Variants in TRIOBP observed in about 807,000 individuals in gnomAD.
TRIOBP encodes TRIO and F-actin binding protein.
TRIOBP carries 169 observed loss-of-function variants against 238.8 expected under a neutral mutation model. The ratio of observed to expected loss-of-function variants is 0.71; its 90% confidence interval spans 0.62 to 0.80. The LOEUF is 0.80. TRIOBP is among the 30% of genes least tolerant of loss of function. The pLI is 0.00. For synonymous variants in TRIOBP, 1,150 were observed against 1,274.4 expected (o/e 0.90, Z 2.08); for missense variants, 2,838 against 3,122.6 (o/e 0.91, Z 2.17).
chr22:37,702,624 T>TTC (rs36031958), intron 3 of TRIOBP, among the ~76,000 whole-genome samples: 2,127 of 148,030 alleles, frequency 0.014, 22 homozygotes, highest in Non-Finnish European at 0.023. Flanking sequence ...GAGATTTTCT[T>TTC]TCTCTCTCTC....
chr22:37,747,519 G>A (rs1055808251), intron 11 of TRIOBP, among the ~76,000 whole-genome samples: 4 of 152,194 alleles, frequency 2.6e-5, no homozygotes, highest in Admixed American at 2.6e-4. Context: ...CCCTGTGAGT[G>A]TGATGGCCTG....
At chr22:37,697,562 C>G (rs1194560681) in intron 1 of TRIOBP, 26 bp from the exon 2 acceptor site, 1 of 152,222 alleles carries the variant, frequency 6.6e-6, no homozygotes, top group Non-Finnish European at 1.5e-5. Flanking sequence ...GCCTTGCTGT[C>G]GCCCCCACCG....
In TRIOBP at chr22:37,724,472, C is replaced by G. The variant is rs745947059; in HGVS notation, c.1916C>G (p.Pro639Arg). 209 of 1,611,432 alleles carry G rather than the reference C, an allele frequency of 1.3e-4. No homozygotes were observed. In the African/African-American group the frequency reaches 2.4e-3, roughly 19 times the overall value. ...AQRDNPRASS[P>R]NRTTQQDSPR... ...CGGGACAATCCCAGAGCCTCCTCTC[C>G]CAACAGAACCACCCAACAAGACAGC... is the stretch of plus-strand genomic sequence containing the variant. Residue 639 changes from proline (P) to arginine (R), a missense_variant, in exon 7 of 24, where the codon CCC (proline) becomes CGC (arginine). Physicochemically the swap from Pro to Arg is moderately radical, Grantham distance 103 (BLOSUM62 -2). Around this residue, in one of 5 missense-constraint regions of TRIOBP, gnomAD observed 167 missense variants for 200.2 expected, o/e 0.83. Transcript: ENST00000644935.
At chr22:37,759,007 C>T (rs1245057885) in intron 16 of TRIOBP, 147 bp from the exon 17 acceptor site, 4 of 686,620 alleles carry the variant, frequency 5.8e-6, no homozygotes, top group East Asian at 2.7e-5. Context: ...GGGCTGCTTG[C>T]CCTTCTCAAA....
intron 7 of TRIOBP, among the ~76,000 whole-genome samples, chr22:37,732,660 G>A (rs1051538793): frequency 2.0e-5 from 3 of 152,148 alleles, no homozygotes; most frequent in Non-Finnish European, 4.4e-5. Flanking sequence ...TAAGCGCTGG[G>A]ATTCTGTTGG....
rs1461451306 is a variant in TRIOBP at position 37,738,696 on chromosome 22, A to C, written c.5161A>C (p.Thr1721Pro). 2.5e-6 allele frequency: 4 copies of C among 1,613,836 alleles called. No individual in the cohort carries two copies. Among genetic ancestry groups the C allele is most frequent in the Admixed American group, 3.3e-5 (2 of 59,986 alleles). Residue 1721 changes from threonine (T) to proline (P), a missense_variant, in exon 10 of 24, where the codon ACT becomes CCT. Physicochemically the swap from Thr to Pro is conservative, Grantham distance 38. Around this residue, in one of 5 missense-constraint regions of TRIOBP, gnomAD observed 2,096 missense variants for 2,137.4 expected, o/e 0.98. Transcript: ENST00000644935. ...ACCAAGCAGAGGCCAAGACCCCCTG[A>C]CTGACCAGAAGCAGGCAGACTCGGT... The part of the protein sequence containing the change: ...SEPSRGQDPL[T>P]DQKQADSADK...
chr22:37,722,769 C>T (rs893600697), intron 6 of TRIOBP, among the ~76,000 whole-genome samples: 5 of 152,198 alleles, frequency 3.3e-5, no homozygotes, highest in African/African-American at 1.2e-4. Flanking sequence ...TCCTTGGATT[C>T]TGATTGAAGG....
intron 3 of TRIOBP, among the ~76,000 whole-genome samples, chr22:37,702,599 C>T (rs1431208261): frequency 6.7e-6 from 1 of 149,142 alleles, no homozygotes; most frequent in African/African-American, 2.5e-5. Flanking sequence ...GTTAAGAATA[C>T]ACCAGCATCA....
At position 37,725,963 on chromosome 22, in the gene TRIOBP, TCCAGGACCTCC is replaced by T. The variant is rs1924131112; in HGVS notation, c.3413_3423del (p.Asp1138GlyfsTer42). On this transcript the variant is annotated frameshift_variant, in exon 7 of 24. Transcript: ENST00000644935. LOFTEE classifies it high-confidence loss of function. ...CAGGCCCCAGAGCCTTCCCTCTTAT[TCCAGGACCTCC>T]CCAGGGCCAGCACAGAGAGCCTTGT... is the stretch of plus-strand genomic sequence containing the variant. 1 of 1,612,114 alleles carries T rather than the reference TCCAGGACCTCC, an allele frequency of 6.2e-7. No homozygotes were observed. Among genetic ancestry groups the T allele is most frequent in the African/African-American group, 1.3e-5 (1 of 74,228 alleles).
At position 37,701,451 on chromosome 22, in the gene TRIOBP, C is replaced by A; in HGVS notation, c.86C>A (p.Pro29His). ...AACCGCTGTCAAAACTGCTTCCACC[C>A]TGAGGAGGCCCATGGAGCAAGATAC... ...TQNRCQNCFH[P>H]EEAHGARYQE... Residue 29 changes from proline to histidine, a missense_variant, in exon 3 of 24, where the codon CCT (proline) becomes CAT (histidine). Pro to His is a moderately conservative substitution (Grantham distance 77, BLOSUM62 -2). Around this residue, in one of 5 missense-constraint regions of TRIOBP, gnomAD observed 535 missense variants for 537.3 expected, o/e 1.00. Transcript: ENST00000644935. 6.2e-7 allele frequency: 1 copy of A among 1,613,264 alleles called. No individual in the cohort carries two copies. Among genetic ancestry groups the A allele is most frequent in the Non-Finnish European group, 8.5e-7 (1 of 1,179,714 alleles).
At chr22:37,705,328 T>A (rs911461864) in intron 3 of TRIOBP, among the ~76,000 whole-genome samples, 1 of 144,710 alleles carries the variant, frequency 6.9e-6, no homozygotes, top group African/African-American at 2.6e-5. Flanking sequence ...TGAGCCAAGA[T>A]TGCACCACTG....
Position 37,740,904 on chromosome 22 carries a change from A to C in TRIOBP, c.5194A>C (p.Arg1732=), listed in dbSNP as rs2145848210. The change falls in exon 11 of 24, where the codon AGG becomes CGG. Residue 1732 remains arginine (R), a synonymous_variant. Transcript: ENST00000644935. ...DQKQADSADK[R]PAEGKAGSPL... ...GGACCCTGTTTGACAGGCAGACAAG[A>C]GGCCAGCAGAGGGCAAGGCTGGGAG... is the stretch of plus-strand genomic sequence containing the variant. The C allele has an allele frequency of 2.5e-6, 4 of 1,573,652 alleles. No individual in the cohort carries two copies. Among genetic ancestry groups the C allele is most frequent in the Non-Finnish European group, 3.4e-6 (4 of 1,159,484 alleles).
chr22:37,718,101 CCCGGGGCCGGCAGGGCCAGCCGGCCGCT>C (rs1032775745), intron 6 of TRIOBP, among the ~76,000 whole-genome samples: 4 of 152,208 alleles, frequency 2.6e-5, no homozygotes, highest in African/African-American at 4.8e-5. Flanking sequence ...CCCCTCATTG[CCCGGGGCCGGCAGGGCCAGCCGGCCGCT>C]CCGAGTGCGG....
rs1188465871 is a variant in TRIOBP at position 37,754,342 on chromosome 22, AG to A, written c.5380-530del. On this transcript the variant is annotated intron_variant, in intron 12 of 23. Transcript: ENST00000644935. ...AGGAGAATCACTTGAACTCAGGAGG[AG>A]GGGGAGGTTGCAGTGAGTGGAGATT... Among the ~76,000 whole-genome samples the A allele has an allele frequency of 2.1e-5, 3 of 139,572 alleles. No homozygotes were observed. In the Admixed American group the frequency reaches 2.3e-4, roughly 11 times the overall value. The allele number at this position is 139,572 out of a possible 152,430, so 91.6% of individuals were successfully genotyped here. A position where few individuals can be genotyped will look rare whatever the true frequency, so the allele number is the denominator to read the frequency against.
intron 6 of TRIOBP, among the ~76,000 whole-genome samples, chr22:37,718,202 G>C (rs1302604540): frequency 6.6e-6 from 1 of 152,192 alleles, no homozygotes; most frequent in Admixed American, 6.5e-5. Context: ...GCGCAGCCTC[G>C]GTTCCCGCTC....
chr22:37,767,582 C>T (rs1000493379), intron 18 of TRIOBP, among the ~76,000 whole-genome samples: 4 of 152,184 alleles, frequency 2.6e-5, no homozygotes, highest in African/African-American at 7.2e-5. Flanking sequence ...GATAAGGGAT[C>T]TGAGGCACAA....
In TRIOBP at chr22:37,726,425, A is replaced by C; in HGVS notation, c.3869A>C (p.Gln1290Pro). Residue 1290 changes from glutamine to proline, a missense_variant, in exon 7 of 24, where the codon CAG becomes CCG. By Grantham distance (76) the Gln-to-Pro change is moderately conservative (BLOSUM62 -1). Coordinates refer to ENST00000644935, the MANE Select transcript of TRIOBP (RefSeq NM_001039141.3). The part of the protein sequence containing the change: ...RRLAQRQPGP[Q>P]AQCSSGGRTH... Reference sequence around the variant, plus strand: ...CTGGCCCAGAGACAGCCAGGGCCCCAGGCGCAGTGCAGCAGCGGGGGCCGC... The same window carrying C: ...CTGGCCCAGAGACAGCCAGGGCCCCCGGCGCAGTGCAGCAGCGGGGGCCGC... 2.5e-6 allele frequency: 4 copies of C among 1,587,386 alleles called. No individual in the cohort carries two copies. The highest frequency in any genetic ancestry group is 1.3e-5 in the African/African-American group (1 of 74,648).
rs776059327 is a variant in TRIOBP at position 37,773,164 on chromosome 22, A to T, written c.*2+400A>T. Among the ~76,000 whole-genome samples, 87 of 151,554 alleles carry T rather than the reference A, an allele frequency of 5.7e-4. No homozygotes were observed. In the Middle Eastern group the frequency reaches 0.017, roughly 30 times the overall value. ...TAGTCTTAACACTCCTTCTTGACTT[A>T]GCAGGGCTCAAAGTGGTTGGTTGGT... is the stretch of plus-strand genomic sequence containing the variant. On this transcript the variant is annotated intron_variant, in intron 23 of 23. Coordinates refer to ENST00000644935, the MANE Select transcript of TRIOBP (RefSeq NM_001039141.3).
intron 17 of TRIOBP, among the ~76,000 whole-genome samples, chr22:37,765,145 G>C (rs1342430941): frequency 6.6e-6 from 1 of 152,200 alleles, no homozygotes; most frequent in Non-Finnish European, 1.5e-5. Flanking sequence ...GCTGGGCGTG[G>C]TGGTGGGCAC....
Sources: gnomAD v4.1 joint callset for allele counts (sites outside exome capture counted in the v4.1 genomes callset) on GRCh38, gnomAD v4.1.1 for gene constraint, gnomAD v4.1.1 regional missense constraint, MANE v1.5 for transcripts, NCBI Gene and HGNC (gene_info 2026-07-23, HGNC 2026-07-21) for gene names.